Variants in ULK4 observed in about 807,000 individuals in gnomAD.
The protein encoded by ULK4 is inactive serine/threonine-protein kinase ULK4.
ULK4 carries 133 observed loss-of-function variants against 160.6 expected under a neutral mutation model. That is an observed-to-expected ratio of 0.83 (90% CI 0.72 to 0.96). ULK4 has a LOEUF of 0.96. Among genes scored for constraint, ULK4 ranks in the 40% least tolerant of loss-of-function variants. The probability of loss-of-function intolerance (pLI) is 0.00; values close to 1 mark genes in which losing one functional copy is unlikely to be tolerated. For synonymous variants in ULK4, 534 were observed against 539.8 expected, an observed-to-expected ratio of 0.99 and a Z score of 0.15; for missense variants, 1,580 against 1,499.5, an observed-to-expected ratio of 1.05 and a Z score of -0.89.
chr3:41,474,030 T>C (rs1057376871), intron 32 of ULK4, among the ~76,000 whole-genome samples: 5 of 152,076 alleles, frequency 3.3e-5, no homozygotes, highest in African/African-American at 1.2e-4. Context: ...AATAAATTCA[T>C]ATGGAGCCCT....
intron 35 of ULK4, among the ~76,000 whole-genome samples, chr3:41,349,697 T>C (rs1166362369): frequency 6.6e-6 from 1 of 152,064 alleles, no homozygotes; most frequent in Non-Finnish European, 1.5e-5. Context: ...CCACCCTCAT[T>C]CCATTTGTCA....
intron 35 of ULK4, among the ~76,000 whole-genome samples, chr3:41,330,913 C>G (rs1449709399): frequency 2.0e-5 from 3 of 152,164 alleles, no homozygotes; most frequent in Non-Finnish European, 2.9e-5. Context: ...CTGCCAGTCT[C>G]TACTGGGTGT....
At chr3:41,541,971 GT>G (rs534479015) in intron 32 of ULK4, among the ~76,000 whole-genome samples, 34 of 152,232 alleles carry the variant, frequency 2.2e-4, no homozygotes, top group African/African-American at 8.2e-4. Flanking sequence ...AACAGAGACA[GT>G]TTGACTTTCT....
intron 35 of ULK4, among the ~76,000 whole-genome samples, chr3:41,261,623 T>C (rs2078944933): frequency 6.6e-6 from 1 of 152,192 alleles, no homozygotes; most frequent in African/African-American, 2.4e-5. Flanking sequence ...CTGCCGGCCA[T>C]CTCTTGTAAA....
At chr3:41,434,274 C>G (rs1273674233) in intron 34 of ULK4, among the ~76,000 whole-genome samples, 1 of 152,140 alleles carries the variant, frequency 6.6e-6, no homozygotes, top group East Asian at 1.9e-4. Context: ...CAAAACACTT[C>G]TTGTCCCAAG....
chr3:41,901,172 CT>C (rs201425733), intron 12 of ULK4, among the ~76,000 whole-genome samples: 1,252 of 119,666 alleles, frequency 0.01, 6 homozygotes, highest in African/African-American at 0.04. Flanking sequence ...AGCATGGCTT[CT>C]TTTTTTTTTT....
chr3:41,420,117 A>G (rs948956739), intron 34 of ULK4, among the ~76,000 whole-genome samples: 3 of 151,426 alleles, frequency 2.0e-5, no homozygotes, highest in South Asian at 4.2e-4. Context: ...AAATGTAAGG[A>G]AAAAAAAAGA....
intron 35 of ULK4, among the ~76,000 whole-genome samples, chr3:41,319,635 T>C (rs2125728926): frequency 6.6e-6 from 1 of 152,340 alleles, no homozygotes; most frequent in Non-Finnish European, 1.5e-5. Context: ...TATCACCATA[T>C]TCATTTTTTA....
intron 32 of ULK4, among the ~76,000 whole-genome samples, chr3:41,535,685 C>T (rs974260258): frequency 5.9e-5 from 9 of 152,238 alleles, no homozygotes; most frequent in Non-Finnish European, 1.0e-4. Flanking sequence ...TCTACACACA[C>T]TATGGGTTTG....
chr3:41,922,216 G>A (rs1237876839), intron 5 of ULK4, among the ~76,000 whole-genome samples: 2 of 152,142 alleles, frequency 1.3e-5, no homozygotes, highest in Non-Finnish European at 2.9e-5. Context: ...GGTTAGGTGT[G>A]GTGGCACAAG....
chr3:41,524,732 G>C (rs1228088998), intron 32 of ULK4, among the ~76,000 whole-genome samples: 2 of 152,116 alleles, frequency 1.3e-5, no homozygotes, highest in East Asian at 3.9e-4. Context: ...AAGGTCAGGA[G>C]ATCGAGACCA....
At chr3:41,465,579 C>G (rs761964415) in intron 32 of ULK4, among the ~76,000 whole-genome samples, 13 of 152,138 alleles carry the variant, frequency 8.5e-5, no homozygotes, top group Non-Finnish European at 2.9e-5. Context: ...CCTTCCTCTA[C>G]TTACAATTTT....
intron 16 of ULK4, among the ~76,000 whole-genome samples, chr3:41,888,585 A>T (rs1415686594): frequency 6.6e-6 from 1 of 152,222 alleles, no homozygotes; most frequent in Non-Finnish European, 1.5e-5. Context: ...TACAAGGAAC[A>T]GTTTAGTCAG....
chr3:41,388,688 T>C lies in ULK4; in HGVS notation c.3678+9391A>G, dbSNP rs201877416. 5.6e-3 allele frequency among the ~76,000 whole-genome samples: 845 copies of C among 151,878 alleles called. 3 individuals are homozygous for C. The highest frequency in any genetic ancestry group is 0.013 in the African/African-American group (527 of 41,312). ...TTGTCAAAGATCAGATAGTTGTAGATATGCGGCATTATTTCTGAGGGCTCT... is the reference window on the plus strand; with the variant it reads ...TTGTCAAAGATCAGATAGTTGTAGACATGCGGCATTATTTCTGAGGGCTCT... On this transcript the variant is annotated intron_variant, in intron 35 of 36. Coordinates refer to ENST00000301831, the MANE Select transcript of ULK4 (RefSeq NM_017886.4).
At chr3:41,399,507 TCTAA>T (rs1281977989) in intron 34 of ULK4, among the ~76,000 whole-genome samples, 2 of 152,288 alleles carry the variant, frequency 1.3e-5, no homozygotes, top group African/African-American at 4.8e-5. Context: ...TTTTGAAAAC[TCTAA>T]CTTTTTTTTT....
In ULK4 at chr3:41,441,194, A is replaced by G. The variant is rs570613414; in HGVS notation, c.3492+14303T>C. 2.0e-5 allele frequency among the ~76,000 whole-genome samples: 3 copies of G among 152,014 alleles called. No homozygotes were observed. In the East Asian group the frequency reaches 5.8e-4, roughly 29 times the overall value. On this transcript the variant is annotated intron_variant, in intron 34 of 36. Coordinates refer to ENST00000301831, the MANE Select transcript of ULK4 (RefSeq NM_017886.4). Reference sequence around the variant, plus strand: ...CTTTCTTCTACTTACGTTGGGTTTAATTTGCTCTTCTTTTTCTAGTCTTTT... The same window carrying G: ...CTTTCTTCTACTTACGTTGGGTTTAGTTTGCTCTTCTTTTTCTAGTCTTTT...
chr3:41,680,235 C>CTGACAG (rs1487868819), intron 29 of ULK4, among the ~76,000 whole-genome samples: 2 of 152,180 alleles, frequency 1.3e-5, no homozygotes, highest in African/African-American at 4.8e-5. Context: ...AAGGTACCTA[C>CTGACAG]TGACAGTTTA....
chr3:41,912,711 A>C, intron 9 of ULK4, 96 bp downstream of exon 9: 3 of 1,063,690 alleles, frequency 2.8e-6, no homozygotes, highest in African/African-American at 1.6e-5. Flanking sequence ...CTACGAAAGC[A>C]GAGAAATTCC....
chr3:41,530,580 A>T (rs2086273240), intron 32 of ULK4, among the ~76,000 whole-genome samples: 1 of 152,172 alleles, frequency 6.6e-6, no homozygotes, highest in Admixed American at 6.5e-5. Flanking sequence ...TTGTTAATGT[A>T]ATGTCACAGC....
Sources: gnomAD v4.1 joint callset for allele counts (sites outside exome capture counted in the v4.1 genomes callset) on GRCh38, gnomAD v4.1.1 for gene constraint, MANE v1.5 for transcripts, NCBI Gene and HGNC (gene_info 2026-07-23, HGNC 2026-07-21) for gene names.